The following TEX264 variants were observed in gnomAD, a reference collection of about 807,000 sequenced individuals.
TEX264 encodes testis expressed 264, ER-phagy receptor, also known as testis-expressed protein 264.
TEX264 carries 13 observed loss-of-function variants against 23.4 expected under a neutral mutation model. The ratio of observed to expected loss-of-function variants is 0.56; its 90% CI spans 0.36 to 0.88. The LOEUF is 0.88. Among genes scored for constraint, TEX264 ranks in the 40% least tolerant of loss-of-function variants. TEX264 has a pLI of 0.01. For missense variants in TEX264, 340 were observed against 406.8 expected (o/e 0.84, Z 1.41); for synonymous variants, 159 against 170.0 (o/e 0.94, Z 0.50).
intron 2 of TEX264, among the ~76,000 whole-genome samples, chr3:51,675,718 C>T (rs1194950316): frequency 6.6e-6 from 1 of 152,110 alleles, no homozygotes; most frequent in Non-Finnish European, 1.5e-5. Flanking sequence ...TTCAGCTGGG[C>T]CTTCTCATGT....
intron 2 of TEX264, chr3:51,682,449 C>T (rs1702463143): frequency 6.6e-6 from 1 of 152,292 alleles, no homozygotes; most frequent in African/African-American, 2.4e-5. Flanking sequence ...AAAGGCTCTT[C>T]AAGAGGGTAT....
chr3:51,673,008 C>T (rs1488463309), intron 1 of TEX264, among the ~76,000 whole-genome samples: 3 of 152,022 alleles, frequency 2.0e-5, no homozygotes, highest in East Asian at 1.9e-4. Context: ...TTCTTGACAC[C>T]GAAAGTTTAG....
intron 2 of TEX264, chr3:51,681,450 G>A (rs929986649): frequency 6.6e-6 from 1 of 152,358 alleles, no homozygotes; most frequent in East Asian, 1.9e-4. Context: ...TGGGATCAGA[G>A]AGGAGGGGCT....
chr3:51,696,440 A>G (rs1254320014), intron 3 of TEX264, among the ~76,000 whole-genome samples: 2 of 152,140 alleles, frequency 1.3e-5, no homozygotes, highest in Non-Finnish European at 2.9e-5. Context: ...GCTCATTGAC[A>G]TATTGCCCGG....
At chr3:51,685,027 GC>G (rs1176758221) in intron 3 of TEX264, among the ~76,000 whole-genome samples, 1 of 152,222 alleles carries the variant, frequency 6.6e-6, no homozygotes, top group East Asian at 1.9e-4. Flanking sequence ...GTCTGGGCAG[GC>G]CCCAGGTAAT....
In TEX264 at chr3:51,679,413, C is replaced by G. The variant is rs560132205; in HGVS notation, c.258+4851C>G. Among the ~76,000 whole-genome samples, 10 of 152,300 alleles carry G rather than the reference C, an allele frequency of 6.6e-5. No homozygotes were observed. The East Asian group carries it at 1.9e-3, about 29-fold the overall frequency. On this transcript the variant is annotated intron_variant, in intron 2 of 4. Coordinates refer to ENST00000341333, the MANE Select transcript of TEX264 (RefSeq NM_015926.6). Reference sequence around the variant, plus strand: ...TTAGTCCCAGCCTCCTGCAGGTTGTCTGGGCCATGTGAGGCGGCACAGTGC... The same window carrying G: ...TTAGTCCCAGCCTCCTGCAGGTTGTGTGGGCCATGTGAGGCGGCACAGTGC...
intron 4 of TEX264, 134 bp downstream of exon 4, chr3:51,699,708 A>T: frequency 9.9e-7 from 1 of 1,006,606 alleles, no homozygotes; most frequent in Non-Finnish European, 1.5e-6. Context: ...CAGAGGGAGG[A>T]AGGAGACCCA....
intron 1 of TEX264, among the ~76,000 whole-genome samples, chr3:51,673,447 T>G (rs767830878): frequency 6.6e-6 from 1 of 152,220 alleles, no homozygotes; most frequent in Non-Finnish European, 1.5e-5. Flanking sequence ...CTTTTCCTCT[T>G]AGGGATAATT....
At chr3:51,699,658 C>T in intron 4 of TEX264, 84 bp downstream of exon 4, 1 of 1,517,110 alleles carries the variant, frequency 6.6e-7, no homozygotes. Context: ...GAGGCTCCTC[C>T]CTCTCTGGGT....
In TEX264 at chr3:51,684,567, A is replaced by G; in HGVS notation, c.413A>G (p.Tyr138Cys). Residue 138 changes from tyrosine to cysteine, a missense_variant, in exon 3 of 5, where the codon TAC (tyrosine) becomes TGC (cysteine). Transcript: ENST00000341333. ...PSHVVTATFP[Y>C]TTILSIWLAT... ...CATGTGGTGACAGCCACCTTCCCCT[A>G]CACCACCATTCTGTCCATCTGGCTG... The G allele has an allele frequency of 6.2e-7, 1 of 1,614,088 alleles. No individual in the cohort carries two copies. Among genetic ancestry groups the G allele is most frequent in the Non-Finnish European group, 8.5e-7 (1 of 1,180,004 alleles).
At chr3:51,689,663 G>A (rs938350337) in intron 3 of TEX264, among the ~76,000 whole-genome samples, 2 of 152,248 alleles carry the variant, frequency 1.3e-5, no homozygotes, top group African/African-American at 4.8e-5. Context: ...TGTTTGGAAG[G>A]GAGCTTCTAA....
intron 2 of TEX264, among the ~76,000 whole-genome samples, chr3:51,676,346 A>G (rs1423747889): frequency 1.3e-5 from 2 of 152,194 alleles, no homozygotes; most frequent in Admixed American, 1.3e-4. Flanking sequence ...GCAGCAGGGT[A>G]CCCTGGGGTC....
intron 3 of TEX264, among the ~76,000 whole-genome samples, chr3:51,698,377 G>A (rs879497244): frequency 3.9e-5 from 6 of 152,168 alleles, no homozygotes; most frequent in African/African-American, 9.7e-5. Flanking sequence ...ATAAATAGTC[G>A]TGTTGTGAAG....
chr3:51,684,389 C>G (rs373639223), intron 2 of TEX264, 24 bp from the exon 3 acceptor site: 54 of 1,610,658 alleles, frequency 3.4e-5, no homozygotes, highest in Admixed American at 2.2e-4. Flanking sequence ...GGCCAACTCT[C>G]ACACCCATGC....
intron 4 of TEX264, among the ~76,000 whole-genome samples, chr3:51,700,539 C>G (rs1198219467): frequency 1.3e-5 from 2 of 152,050 alleles, no homozygotes; most frequent in Non-Finnish European, 2.9e-5. Context: ...CTGGTAGTGC[C>G]CGGCAGACAC....
intron 3 of TEX264, among the ~76,000 whole-genome samples, chr3:51,693,029 A>G (rs1274221400): frequency 6.6e-6 from 1 of 152,228 alleles, no homozygotes; most frequent in Non-Finnish European, 1.5e-5. Context: ...TCTGGGCACT[A>G]AGGTGCTTAA....
Position 51,702,516 on chromosome 3 carries a change from G to A in TEX264, c.650-1208G>A, listed in dbSNP as rs186026236. 3.3e-5 allele frequency among the ~76,000 whole-genome samples: 5 copies of A among 151,870 alleles called. No individual in the cohort carries two copies. In the East Asian group the frequency reaches 9.7e-4, roughly 30 times the overall value. ...TCCTAATTCTCCCACCCCCAACCTA[G>A]GCCCCATTTGAGGCTCAAGGAAAGC... is the stretch of plus-strand genomic sequence containing the variant. On this transcript the variant is annotated intron_variant, in intron 4 of 4. Transcript: ENST00000341333.
At chr3:51,674,633 T>C in intron 2 of TEX264, 71 bp downstream of exon 2, 1 of 1,563,376 alleles carries the variant, frequency 6.4e-7, no homozygotes, top group Non-Finnish European at 8.7e-7. Flanking sequence ...GGGAGGGTAG[T>C]TTTGGTTGCT....
At chr3:51,693,020 C>G (rs1345576296) in intron 3 of TEX264, among the ~76,000 whole-genome samples, 1 of 152,262 alleles carries the variant, frequency 6.6e-6, no homozygotes, top group Non-Finnish European at 1.5e-5. Context: ...CCCAGTCCAT[C>G]TGGGCACTAA....
Sources: gnomAD v4.1 joint callset for allele counts (sites outside exome capture counted in the v4.1 genomes callset) on GRCh38, gnomAD v4.1.1 for gene constraint, MANE v1.5 for transcripts, NCBI Gene and HGNC (gene_info 2026-07-23, HGNC 2026-07-21) for gene names.